DNAI2: variants seen among roughly 807,000 people sequenced by gnomAD.
DNAI2 encodes the protein dynein axonemal intermediate chain 2.
In DNAI2, 63 loss-of-function variants were observed where a neutral mutation model predicts 74.7. The observed-to-expected ratio is 0.84, with a 90% CI of 0.69 to 1.04. The LOEUF is 1.04. Among genes scored for constraint, DNAI2 ranks in the 50% least tolerant of loss-of-function variants. The pLI is 0.00. For missense variants in DNAI2, 688 were observed against 803.2 expected, an observed-to-expected ratio of 0.86 and a Z score of 1.73; for synonymous variants, 289 against 314.9, an observed-to-expected ratio of 0.92 and a Z score of 0.87.
intron 9 of DNAI2, 47 bp downstream of exon 9, chr17:74,305,489 G>T (rs371944060): frequency 6.3e-7 from 1 of 1,581,242 alleles, no homozygotes; most frequent in African/African-American, 1.3e-5. Flanking sequence ...AGACAGGAGG[G>T]GATGGAGGGA....
rs1405293491 is a variant in DNAI2, at chr17:74,310,551, AT to A, written c.1494+393del. Reference sequence around the variant, plus strand: ...TTTAATTATTTTTATTTATTTATTTATTTTTGAGACAAAGTCACGCTCTGTT... The same window carrying A: ...TTTAATTATTTTTATTTATTTATTTATTTTGAGACAAAGTCACGCTCTGTT... On this transcript the variant is annotated intron_variant, in intron 11 of 13. Transcript: ENST00000311014. Among the ~76,000 whole-genome samples the A allele has an allele frequency of 1.1e-4, 17 of 148,816 alleles. 1 individual carries two copies. In the Admixed American group the frequency reaches 1.1e-3, roughly 10 times the overall value.
At chr17:74,296,623 A>G (rs1453336352) in intron 6 of DNAI2, among the ~76,000 whole-genome samples, 1 of 152,200 alleles carries the variant, frequency 6.6e-6, no homozygotes, top group East Asian at 1.9e-4. Context: ...TTACACCCTG[A>G]TGAAAAGACT....
intron 6 of DNAI2, among the ~76,000 whole-genome samples, chr17:74,294,298 C>CTT (rs113049803): frequency 4.5e-4 from 63 of 139,678 alleles, no homozygotes; most frequent in South Asian, 1.4e-3. Context: ...CTTATCATTT[C>CTT]TTTTTTTTTT....
chr17:74,309,701 G>T, intron 10 of DNAI2: 1 of 642,430 alleles, frequency 1.6e-6, no homozygotes, highest in Non-Finnish European at 2.8e-6. Flanking sequence ...CCTGGGGTTT[G>T]GCTGCTGGAC....
Position 74,305,247 on chromosome 17 carries a change from A to G in DNAI2, c.1016A>G (p.Gln339Arg). 6.2e-7 allele frequency: 1 copy of G among 1,614,200 alleles called. No individual in the cohort carries two copies. Among genetic ancestry groups the G allele is most frequent in the Non-Finnish European group, 8.5e-7 (1 of 1,180,040 alleles). ...ACCAAGTTCATGGTGGGGACCGAGCAGGGCATCGTCATCTCCTGCAACCGC... is the reference window on the plus strand; with the variant it reads ...ACCAAGTTCATGGTGGGGACCGAGCGGGGCATCGTCATCTCCTGCAACCGC... The part of the protein sequence containing the change: ...LPTKFMVGTE[Q>R]GIVISCNRKA... The change falls in exon 9 of 14, where the codon CAG becomes CGG. Residue 339 changes from glutamine (Q) to arginine (R), a missense_variant. Coordinates refer to ENST00000311014, the MANE Select transcript of DNAI2 (RefSeq NM_023036.6).
chr17:74,305,740 C>T (rs547558422), intron 9 of DNAI2, among the ~76,000 whole-genome samples: 6 of 142,078 alleles, frequency 4.2e-5, no homozygotes, highest in South Asian at 2.2e-4. Flanking sequence ...GGCGTGATCT[C>T]GGCTCACTGC....
intron 10 of DNAI2, chr17:74,309,646 C>A: frequency 1.4e-6 from 1 of 695,948 alleles, no homozygotes; most frequent in Non-Finnish European, 2.6e-6. Flanking sequence ...GAAACAAAAG[C>A]AGGTACCCGG....
chr17:74,301,432 TC>T (rs1169437908), intron 8 of DNAI2, among the ~76,000 whole-genome samples: 1 of 152,130 alleles, frequency 6.6e-6, no homozygotes, highest in Non-Finnish European at 1.5e-5. Flanking sequence ...CAGAGGGCAA[TC>T]TTTTGACAGA....
Position 74,278,237 on chromosome 17 carries a change from C to T in DNAI2, c.-11-3570C>T, listed in dbSNP as rs74815973. 2.0e-5 allele frequency among the ~76,000 whole-genome samples: 3 copies of T among 151,446 alleles called. No individual in the cohort carries two copies. In the East Asian group the frequency reaches 5.8e-4, roughly 29 times the overall value. ...TTGAGCCCAGGAGTTTGAGACAAGC[C>T]TGGGCAACATAGTGAGACCCTCAAC... On this transcript the variant is annotated intron_variant, in intron 1 of 13. Transcript: ENST00000311014.
At chr17:74,308,119 A>C (rs141858231) in intron 9 of DNAI2, among the ~76,000 whole-genome samples, 1,938 of 152,106 alleles carry the variant, frequency 0.013, 46 homozygotes, top group African/African-American at 0.044. Context: ...TTTAGTCTTG[A>C]TCATTTCTCC....
rs573780036 is a variant in DNAI2, at chr17:74,300,309, G to A, written c.864+452G>A. Among the ~76,000 whole-genome samples, 2 of 152,164 alleles carry A rather than the reference G, an allele frequency of 1.3e-5. No homozygotes were observed. Among genetic ancestry groups the A allele is most frequent in the Non-Finnish European group, 2.9e-5 (2 of 68,026 alleles). The stretch of plus-strand genomic sequence containing the variant: ...GCCCACGGAACAGAATCTAAAGGGT[G>A]CAAAAAAGAAAATGCCTTCCTCTCA... On this transcript the variant is annotated intron_variant, in intron 7 of 13. Transcript: ENST00000311014. This position sits in a 1 kb window ranked among gnomAD's most constrained non-coding sequence, Gnocchi z 4.5.
chr17:74,291,336 T>G (rs2143954762), intron 6 of DNAI2, among the ~76,000 whole-genome samples: 1 of 152,120 alleles, frequency 6.6e-6, no homozygotes, highest in South Asian at 2.1e-4. Context: ...AATTTTTTTG[T>G]TATTTTTAGT....
chr17:74,301,050 T>G lies in DNAI2; in HGVS notation c.869T>G (p.Met290Arg). ...CFSASTDGQV[M>R]WWDIRKMSEP... ...TGTCGCCCCTCCTCCCACCAGGTCA[T>G]GTGGTGGGACATCCGAAAGATGAGC... The change falls in exon 8 of 14, where the codon ATG becomes AGG. Residue 290 changes from methionine (M) to arginine (R), a missense_variant. Physicochemically the swap from Met to Arg is moderately conservative, Grantham distance 91 (BLOSUM62 -1). Coordinates refer to ENST00000311014, the MANE Select transcript of DNAI2 (RefSeq NM_023036.6). 6.2e-7 allele frequency: 1 copy of G among 1,613,852 alleles called. No homozygotes were observed. The highest frequency in any genetic ancestry group is 1.7e-5 in the Admixed American group (1 of 60,012).
intron 1 of DNAI2, among the ~76,000 whole-genome samples, chr17:74,278,782 AGAAAG>A (rs1464819280): frequency 6.6e-6 from 1 of 152,098 alleles, no homozygotes; most frequent in Non-Finnish European, 1.5e-5. Flanking sequence ...TCAAAAAAAA[AGAAAG>A]AAAAGAAAAG....
intron 8 of DNAI2, among the ~76,000 whole-genome samples, chr17:74,304,816 G>A (rs955816324): frequency 2.6e-5 from 4 of 152,162 alleles, no homozygotes; most frequent in African/African-American, 9.7e-5. Context: ...GGAAGGCTCT[G>A]CCCATCCCAT....
intron 1 of DNAI2, among the ~76,000 whole-genome samples, chr17:74,277,563 C>T (rs2051168403): frequency 6.6e-6 from 1 of 152,208 alleles, no homozygotes; most frequent in Admixed American, 6.5e-5. Flanking sequence ...CCACCTGCTG[C>T]CCCAGCTGCT....
At chr17:74,293,697 C>G (rs2143974549) in intron 6 of DNAI2, among the ~76,000 whole-genome samples, 1 of 151,216 alleles carries the variant, frequency 6.6e-6, no homozygotes, top group Non-Finnish European at 1.5e-5. Flanking sequence ...GAGCGAGACT[C>G]CATCTCAAAA....
intron 6 of DNAI2, among the ~76,000 whole-genome samples, chr17:74,294,505 A>G (rs371326378): frequency 6.6e-6 from 1 of 151,556 alleles, no homozygotes; most frequent in East Asian, 2.0e-4. Context: ...TTGTAGAGAT[A>G]GGGTCTTGCT....
chr17:74,287,168 A>T, intron 4 of DNAI2, 70 bp downstream of exon 4: 5 of 1,592,916 alleles, frequency 3.1e-6, no homozygotes, highest in Non-Finnish European at 4.3e-6. Context: ...TCCAAAGGCA[A>T]CTCCTTGCCA....
Sources: gnomAD v4.1 joint callset for allele counts (sites outside exome capture counted in the v4.1 genomes callset) on GRCh38, gnomAD v4.1.1 for gene constraint, Gnocchi (gnomAD v3.1) non-coding constraint, MANE v1.5 for transcripts, NCBI Gene and HGNC (gene_info 2026-07-23, HGNC 2026-07-21) for gene names.